EXOC4: variants seen among roughly 807,000 people sequenced by gnomAD.
EXOC4 encodes exocyst complex component 4, also known as SEC8-like 1.
EXOC4 carries 71 observed loss-of-function variants against 107.2 expected under a neutral mutation model. The ratio of observed to expected loss-of-function variants is 0.66; its 90% CI spans 0.55 to 0.81. The LOEUF is 0.81. EXOC4 is among the 30% of genes least tolerant of loss of function. The probability of loss-of-function intolerance (pLI) is 0.00; values close to 1 mark genes in which losing one functional copy is unlikely to be tolerated. For synonymous variants in EXOC4, 456 were observed against 441.2 expected (o/e 1.03, Z -0.42); for missense variants, 1,108 against 1,189.6 (o/e 0.93, Z 1.01).
intron 7 of EXOC4, among the ~76,000 whole-genome samples, chr7:133,436,777 T>A (rs1451498129): frequency 6.6e-6 from 1 of 152,182 alleles, no homozygotes; most frequent in Non-Finnish European, 1.5e-5. Context: ...AAAAATGAAA[T>A]CTTCATACCC....
intron 9 of EXOC4, among the ~76,000 whole-genome samples, chr7:133,493,217 C>T (rs1358276906): frequency 6.6e-6 from 1 of 152,096 alleles, no homozygotes; most frequent in Non-Finnish European, 1.5e-5. Flanking sequence ...CTGAGGTCAG[C>T]AGTTTGAGAC....
intron 7 of EXOC4, among the ~76,000 whole-genome samples, chr7:133,433,682 C>A (rs1797904773): frequency 6.6e-6 from 1 of 152,190 alleles, no homozygotes; most frequent in Admixed American, 6.5e-5. Context: ...TCTTTAGGCA[C>A]TGTTTTGGAA....
chr7:133,674,066 C>G (rs527292163), intron 10 of EXOC4, among the ~76,000 whole-genome samples: 1 of 152,270 alleles, frequency 6.6e-6, no homozygotes, highest in South Asian at 2.1e-4. Context: ...CTCTCAAACT[C>G]TCCAGATTTT....
At chr7:134,020,983 CAAA>C (rs34211829) in intron 17 of EXOC4, among the ~76,000 whole-genome samples, 1 of 135,626 alleles carries the variant, frequency 7.4e-6, no homozygotes, top group Admixed American at 7.2e-5. Context: ...AAGACTGTCT[CAAA>C]AAAAAAAAAA....
intron 9 of EXOC4, among the ~76,000 whole-genome samples, chr7:133,533,890 G>A (rs1423264118): frequency 6.6e-6 from 1 of 152,102 alleles, no homozygotes; most frequent in Non-Finnish European, 1.5e-5. Flanking sequence ...GTCCTTGATG[G>A]TATGGGAGTA....
At chr7:133,388,116 T>G (rs1425288622) in intron 7 of EXOC4, among the ~76,000 whole-genome samples, 10 of 152,098 alleles carry the variant, frequency 6.6e-5, no homozygotes, top group Non-Finnish European at 1.3e-4. Flanking sequence ...TATATTTTTG[T>G]TTTGTTTTTA....
At chr7:133,495,732 G>T (rs1035544920) in intron 9 of EXOC4, among the ~76,000 whole-genome samples, 10 of 152,028 alleles carry the variant, frequency 6.6e-5, no homozygotes, top group Non-Finnish European at 1.3e-4. Context: ...CCTTTTAATG[G>T]ACTTTCATCG....
the EXOC4 span, among the ~76,000 whole-genome samples, chr7:134,075,561 T>C: frequency 6.6e-6 from 1 of 152,162 alleles, no homozygotes; most frequent in Non-Finnish European, 1.5e-5. Context: ...ATGAGACTTA[T>C]TCACTACCGC....
At chr7:133,872,420 A>G (rs56084002) in intron 11 of EXOC4, among the ~76,000 whole-genome samples, 21,684 of 152,110 alleles carry the variant, frequency 0.14, 1,781 homozygotes, top group African/African-American at 0.21. Flanking sequence ...ATGTGTGTCC[A>G]TATCTATCAA....
chr7:133,772,955 A>T (rs1397460238), intron 10 of EXOC4, among the ~76,000 whole-genome samples: 1 of 152,036 alleles, frequency 6.6e-6, no homozygotes. Context: ...CATAGGAATA[A>T]TATGTACCTC....
At chr7:133,591,219 A>G (rs1005558140) in intron 9 of EXOC4, among the ~76,000 whole-genome samples, 1 of 151,998 alleles carries the variant, frequency 6.6e-6, no homozygotes, top group Non-Finnish European at 1.5e-5. Context: ...TTTTTTGGAG[A>G]TGGAATCTCA....
At chr7:133,695,284 T>C (rs1404316231) in intron 10 of EXOC4, among the ~76,000 whole-genome samples, 1 of 152,172 alleles carries the variant, frequency 6.6e-6, no homozygotes, top group Non-Finnish European at 1.5e-5. Flanking sequence ...CTATCTATGT[T>C]GTTGCAAATG....
intron 11 of EXOC4, among the ~76,000 whole-genome samples, chr7:133,818,117 T>C (rs989023331): frequency 6.6e-6 from 1 of 152,182 alleles, no homozygotes; most frequent in Non-Finnish European, 1.5e-5. Flanking sequence ...AAATAATCTG[T>C]CAGTAGATTT....
At chr7:134,087,286 G>T in the EXOC4 span, among the ~76,000 whole-genome samples, 1 of 152,180 alleles carries the variant, frequency 6.6e-6, no homozygotes, top group South Asian at 2.1e-4. Flanking sequence ...CAGAATAGGG[G>T]TGATGATGTT....
chr7:133,295,041 A>G (rs1794487777), intron 3 of EXOC4, among the ~76,000 whole-genome samples: 1 of 152,148 alleles, frequency 6.6e-6, no homozygotes, highest in African/African-American at 2.4e-5. Flanking sequence ...TGCAGTATAA[A>G]GTTTTTGAAA....
At chr7:133,834,342 C>T (rs1048598856) in intron 11 of EXOC4, among the ~76,000 whole-genome samples, 2 of 152,170 alleles carry the variant, frequency 1.3e-5, no homozygotes, top group African/African-American at 2.4e-5. Context: ...CCTTCCCCTT[C>T]CTCTCCACTT....
chr7:133,668,260 A>G (rs1793861438), intron 10 of EXOC4, among the ~76,000 whole-genome samples: 1 of 152,244 alleles, frequency 6.6e-6, no homozygotes, highest in South Asian at 2.1e-4. Flanking sequence ...TGTGTTCCAG[A>G]AATGTAAGTC....
At chr7:133,635,748 G>A (rs187259140) in intron 10 of EXOC4, among the ~76,000 whole-genome samples, 2 of 152,206 alleles carry the variant, frequency 1.3e-5, no homozygotes, top group Non-Finnish European at 1.5e-5. Context: ...ACATGACTCA[G>A]GAACAAGTAC....
chr7:133,457,880 G>A (rs1327441684), intron 7 of EXOC4, among the ~76,000 whole-genome samples: 1 of 152,108 alleles, frequency 6.6e-6, no homozygotes, highest in African/African-American at 2.4e-5. Flanking sequence ...AGTAGGTATA[G>A]CTTCAGTAAT....
Sources: gnomAD v4.1 joint callset for allele counts (sites outside exome capture counted in the v4.1 genomes callset) on GRCh38, gnomAD v4.1.1 for gene constraint, MANE v1.5 for transcripts, NCBI Gene and HGNC (gene_info 2026-07-23, HGNC 2026-07-21) for gene names.